ACVR1C: variants seen among roughly 807,000 people sequenced by gnomAD.
ACVR1C encodes activin receptor type-1C.
ACVR1C carries 23 observed loss-of-function variants against 57.9 expected under a neutral mutation model. The observed-to-expected ratio is 0.40, with a 90% CI of 0.29 to 0.56. The LOEUF (loss-of-function observed/expected upper bound fraction) is 0.56, where lower values mean the gene tolerates loss of function less well. ACVR1C is among the 20% of genes least tolerant of loss of function. The probability of loss-of-function intolerance (pLI) is 0.50; values close to 1 mark genes in which losing one functional copy is unlikely to be tolerated. For synonymous variants in ACVR1C, 214 were observed against 215.3 expected (o/e 0.99, Z 0.05); for missense variants, 480 against 607.9 (o/e 0.79, Z 2.21).
At chr2:157,552,311 T>G (rs181916612) in intron 3 of ACVR1C, among the ~76,000 whole-genome samples, 22 of 152,300 alleles carry the variant, frequency 1.4e-4, no homozygotes, top group Middle Eastern at 3.4e-3. Flanking sequence ...TTTTGTATTT[T>G]TAGTAGAGAA....
intron 1 of ACVR1C, 115 bp downstream of exon 1, chr2:157,628,457 C>T: frequency 8.2e-7 from 1 of 1,224,108 alleles, no homozygotes; most frequent in Non-Finnish European, 1.2e-6. Flanking sequence ...CTTCCCTGTC[C>T]GCCCCGAAGG....
intron 8 of ACVR1C, among the ~76,000 whole-genome samples, chr2:157,537,932 T>G (rs1267999955): frequency 2.0e-5 from 3 of 152,074 alleles, no homozygotes; most frequent in African/African-American, 7.2e-5. Context: ...AACAATGGAG[T>G]CTCTGATGTG....
At chr2:157,553,426 A>G (rs917311129) in intron 3 of ACVR1C, among the ~76,000 whole-genome samples, 7 of 152,036 alleles carry the variant, frequency 4.6e-5, no homozygotes, top group Admixed American at 2.6e-4. Context: ...GAGATCTTAG[A>G]ATAATCTGAA....
intron 4 of ACVR1C, among the ~76,000 whole-genome samples, chr2:157,549,695 G>A (rs900908952): frequency 2.1e-4 from 32 of 151,888 alleles, no homozygotes; most frequent in East Asian, 1.9e-4. Context: ...TTCTTAAAAC[G>A]AAGAGACGGG....
chr2:157,562,374 G>A (rs1237902552), intron 2 of ACVR1C, among the ~76,000 whole-genome samples: 5 of 145,856 alleles, frequency 3.4e-5, no homozygotes, highest in Non-Finnish European at 6.0e-5. Flanking sequence ...GGAGGCCCAA[G>A]ACTAAACCAG....
At chr2:157,555,579 G>T (rs1688080891) in intron 3 of ACVR1C, among the ~76,000 whole-genome samples, 1 of 152,082 alleles carries the variant, frequency 6.6e-6, no homozygotes, top group Non-Finnish European at 1.5e-5. Flanking sequence ...TTAATTTTAG[G>T]TGAGTTCCCT....
At chr2:157,575,285 A>C (rs1474850394) in intron 2 of ACVR1C, among the ~76,000 whole-genome samples, 3 of 152,284 alleles carry the variant, frequency 2.0e-5, no homozygotes, top group Middle Eastern at 3.4e-3. Flanking sequence ...GGCATGTGCC[A>C]CCATGCCCAG....
intron 2 of ACVR1C, among the ~76,000 whole-genome samples, chr2:157,581,543 A>C (rs994312494): frequency 1.7e-4 from 26 of 152,120 alleles, no homozygotes; most frequent in Admixed American, 1.1e-3. Flanking sequence ...CACACACACA[A>C]AAAATAAAAC....
chr2:157,538,971 CAT>C (rs141523542), intron 7 of ACVR1C, among the ~76,000 whole-genome samples: 2,020 of 148,162 alleles, frequency 0.014, 51 homozygotes, highest in African/African-American at 0.047. Context: ...ATATATAACA[CAT>C]AATTTTATAA....
rs1204355547 is a variant in ACVR1C, at chr2:157,544,581, TACC to T, written c.804_806del (p.Val269del). On this transcript the variant is annotated inframe_deletion, in exon 5 of 9. Transcript: ENST00000243349. ...AGGAGCCCTGTTCATGATATTCAGA[TACC>T]AGCCAAAGTTGAGTCCAAGTTCCAT... 1 of 1,612,934 alleles carries T rather than the reference TACC, an allele frequency of 6.2e-7. No homozygotes were observed. The highest frequency in any genetic ancestry group is 1.3e-5 in the African/African-American group (1 of 74,884).
chr2:157,618,659 C>T (rs1223026373), intron 1 of ACVR1C, among the ~76,000 whole-genome samples: 1 of 151,326 alleles, frequency 6.6e-6, no homozygotes, highest in Non-Finnish European at 1.5e-5. Context: ...GTAACTATAT[C>T]AATAGTTTAA....
chr2:157,537,978 T>C (rs1184319325), intron 8 of ACVR1C, among the ~76,000 whole-genome samples: 1 of 152,174 alleles, frequency 6.6e-6, no homozygotes, highest in Non-Finnish European at 1.5e-5. Context: ...AGTTCAAACT[T>C]TAGCAGGTTA....
intron 1 of ACVR1C, among the ~76,000 whole-genome samples, chr2:157,612,046 CT>C (rs1682547398): frequency 6.6e-6 from 1 of 152,252 alleles, no homozygotes; most frequent in South Asian, 2.1e-4. Flanking sequence ...GAAGTGCACA[CT>C]TTGTCAATAG....
At chr2:157,614,534 T>G (rs1180299826) in intron 1 of ACVR1C, among the ~76,000 whole-genome samples, 1 of 152,228 alleles carries the variant, frequency 6.6e-6, no homozygotes, top group Admixed American at 6.5e-5. Flanking sequence ...AATTATTTTT[T>G]AGATTTTGTA....
In ACVR1C at chr2:157,628,620, G is replaced by C. The variant is rs755253343; in HGVS notation, c.25C>G (p.Leu9Val). MTRALCSA[L>V]RQALLLLAAA... is the part of the protein sequence containing the mutation. The stretch of plus-strand genomic sequence containing the variant: ...GCGAGCAGCAGGAGAGCCTGGCGGA[G>C]CGCTGAGCAGAGCGCCCGGGTCATC... The change falls in exon 1 of 9, where the codon CTC (leucine) becomes GTC (valine). Residue 9 changes from leucine (L) to valine (V), a missense_variant. Transcript: ENST00000243349. 203 of 1,598,094 alleles carry C rather than the reference G, an allele frequency of 1.3e-4. No individual in the cohort carries two copies. Among genetic ancestry groups the C allele is most frequent in the Non-Finnish European group, 1.6e-4 (191 of 1,173,456 alleles).
rs753986256 is a variant in ACVR1C, at chr2:157,593,259, G to A, written c.74-5842C>T. 3.3e-4 allele frequency among the ~76,000 whole-genome samples: 50 copies of A among 152,164 alleles called. 1 individual carries two copies. The highest frequency in any genetic ancestry group is 6.8e-3 in the Middle Eastern group (2 of 294). ...AAAAAAGAACCAAATTTGTTGATCC[G>A]CATTTATGTGCTATTCTTATTAGAA... On this transcript the variant is annotated intron_variant, in intron 1 of 8. Coordinates refer to ENST00000243349, the MANE Select transcript of ACVR1C (RefSeq NM_145259.3).
At chr2:157,541,323 G>T in intron 6 of ACVR1C, 109 bp from the exon 7 acceptor site, 3 of 1,110,220 alleles carry the variant, frequency 2.7e-6, no homozygotes, top group South Asian at 1.8e-5. Flanking sequence ...CAGATTTGAA[G>T]CACTATAATA....
intron 2 of ACVR1C, among the ~76,000 whole-genome samples, chr2:157,586,202 A>C (rs1259806388): frequency 6.6e-6 from 1 of 152,086 alleles, no homozygotes; most frequent in Non-Finnish European, 1.5e-5. Flanking sequence ...GTTATCTTCT[A>C]TTTAGGGCAA....
At chr2:157,551,192 C>CT (rs1256640539) in intron 3 of ACVR1C, among the ~76,000 whole-genome samples, 1 of 152,184 alleles carries the variant, frequency 6.6e-6, no homozygotes, top group African/African-American at 2.4e-5. Flanking sequence ...GATTTCAGCT[C>CT]TGCCACCTGG....
Sources: allele counts gnomAD v4.1 joint callset (sites outside exome capture counted in the v4.1 genomes callset), GRCh38; gene constraint gnomAD v4.1.1; transcripts MANE v1.5; gene names NCBI Gene and HGNC (gene_info 2026-07-23, HGNC 2026-07-21).